The following PPP3R1 variants were observed in gnomAD, a reference collection of about 807,000 sequenced individuals.
PPP3R1 encodes the protein calcineurin subunit B type 1.
Under a neutral mutation model 22.6 loss-of-function variants are expected in PPP3R1, and 5 were observed. The observed-to-expected ratio is 0.22, with a 90% confidence interval of 0.12 to 0.46. The LOEUF (loss-of-function observed/expected upper bound fraction) is 0.46, where lower values mean the gene tolerates loss of function less well. Ranked by LOEUF, PPP3R1 falls within the 20% of genes least tolerant of loss-of-function variation. PPP3R1 has a pLI of 0.99. For missense variants in PPP3R1, 61 were observed against 203.2 expected, an observed-to-expected ratio of 0.30 and a Z score of 4.25; for synonymous variants, 56 against 65.2, an observed-to-expected ratio of 0.86 and a Z score of 0.68.
chr2:68,230,198 G>A (rs571597289), intron 1 of PPP3R1, among the ~76,000 whole-genome samples: 5 of 152,158 alleles, frequency 3.3e-5, no homozygotes, highest in Admixed American at 3.3e-4. Flanking sequence ...TCACCATGTT[G>A]CCCAGGCTGG....
In PPP3R1 at chr2:68,179,962, A is replaced by C. The variant is rs1674367169; in HGVS notation, c.*1001T>G. ...TTTGAAACAAGGGAATTCATGATTCAAACACAAGTTTAATGACAAATTATT... is the reference window on the plus strand; with the variant it reads ...TTTGAAACAAGGGAATTCATGATTCCAACACAAGTTTAATGACAAATTATT... On this transcript the variant is annotated 3_prime_UTR_variant, in exon 6 of 6. Coordinates refer to ENST00000234310, the MANE Select transcript of PPP3R1 (RefSeq NM_000945.4). 6.6e-6 allele frequency: 1 copy of C among 152,244 alleles called. No individual in the cohort carries two copies. The highest frequency in any genetic ancestry group is 1.5e-5 in the Non-Finnish European group (1 of 68,024). The allele number at this position is 152,244 out of a possible 1,614,324, so 9.4% of individuals were successfully genotyped here.
intron 2 of PPP3R1, among the ~76,000 whole-genome samples, chr2:68,215,298 AC>A (rs1193039987): frequency 2.0e-5 from 3 of 152,166 alleles, no homozygotes; most frequent in Admixed American, 1.3e-4. Flanking sequence ...TTAAAAAAAA[AC>A]ATGAGGTACA....
At chr2:68,209,820 C>T (rs1341970207) in intron 2 of PPP3R1, among the ~76,000 whole-genome samples, 4 of 151,946 alleles carry the variant, frequency 2.6e-5, no homozygotes, top group Non-Finnish European at 5.9e-5. Flanking sequence ...ACAAAAAAGC[C>T]CCAACAAAAA....
intron 1 of PPP3R1, among the ~76,000 whole-genome samples, chr2:68,225,444 A>C (rs1400877305): frequency 1.3e-5 from 2 of 152,164 alleles, no homozygotes; most frequent in Non-Finnish European, 2.9e-5. Flanking sequence ...GCTCAATCTC[A>C]TAAGGGCAAA....
At chr2:68,224,665 GAA>G (rs576436316) in intron 1 of PPP3R1, among the ~76,000 whole-genome samples, 13 of 133,234 alleles carry the variant, frequency 9.8e-5, no homozygotes, top group African/African-American at 3.0e-4. Context: ...CTCGTCTCAG[GAA>G]AAAAAAAAAA....
intron 1 of PPP3R1, among the ~76,000 whole-genome samples, chr2:68,239,149 T>C (rs1355037635): frequency 6.6e-6 from 1 of 152,094 alleles, no homozygotes; most frequent in African/African-American, 2.4e-5. Context: ...CACAGATAAA[T>C]AGCCAATATG....
At chr2:68,249,975 C>T (rs1435489564) in intron 1 of PPP3R1, among the ~76,000 whole-genome samples, 1 of 152,170 alleles carries the variant, frequency 6.6e-6, no homozygotes, top group African/African-American at 2.4e-5. Flanking sequence ...AACCAGATCA[C>T]TCCAAAGCCT....
At chr2:68,202,269 TGTGCTAGATAACGAG>T (rs1258635552) in intron 2 of PPP3R1, among the ~76,000 whole-genome samples, 4 of 152,244 alleles carry the variant, frequency 2.6e-5, no homozygotes, top group African/African-American at 4.8e-5. Flanking sequence ...TACTCAAATT[TGTGCTAGATAACGAG>T]ATTACTATAT....
At chr2:68,232,225 G>GTATTTATA in intron 1 of PPP3R1, among the ~76,000 whole-genome samples, 2 of 76,130 alleles carry the variant, frequency 2.6e-5, no homozygotes, top group South Asian at 1.1e-3. Context: ...ATGTATATAT[G>GTATTTATA]TGTGTGTGTG....
At chr2:68,251,446 G>C (rs1451029094) in intron 1 of PPP3R1, among the ~76,000 whole-genome samples, 7 of 152,194 alleles carry the variant, frequency 4.6e-5, no homozygotes, top group Admixed American at 2.0e-4. Flanking sequence ...AACCAAGTTC[G>C]CGTATGTTTT....
intron 2 of PPP3R1, 106 bp downstream of exon 2, chr2:68,216,986 G>A: frequency 1.2e-6 from 1 of 808,498 alleles, no homozygotes. Flanking sequence ...ACAAAGGTAA[G>A]TAAATATACA....
rs72896426 is a variant in PPP3R1, at chr2:68,239,157, A to G, written c.3+12968T>C. Among the ~76,000 whole-genome samples, 482 of 152,346 alleles carry G rather than the reference A, an allele frequency of 3.2e-3. 2 individuals are homozygous for G. Among genetic ancestry groups the G allele is most frequent in the African/African-American group, 0.011 (466 of 41,582 alleles). On this transcript the variant is annotated intron_variant, in intron 1 of 5. Transcript: ENST00000234310. Reference sequence around the variant, plus strand: ...GTTCCAACACAGATAAATAGCCAATATGAGTCAAGAGGAAGGATGTGAACT... The same window carrying G: ...GTTCCAACACAGATAAATAGCCAATGTGAGTCAAGAGGAAGGATGTGAACT...
At chr2:68,241,844 A>C (rs1056568634) in intron 1 of PPP3R1, among the ~76,000 whole-genome samples, 1 of 71,778 alleles carries the variant, frequency 1.4e-5, no homozygotes, top group African/African-American at 8.1e-5. Flanking sequence ...ACTCCATCTC[A>C]AAAAAAAAAA....
intron 1 of PPP3R1, among the ~76,000 whole-genome samples, chr2:68,238,882 T>C (rs894221942): frequency 2.0e-5 from 3 of 152,112 alleles, no homozygotes; most frequent in Non-Finnish European, 4.4e-5. Context: ...CCATTAAAAA[T>C]AACATGGCTT....
At chr2:68,229,965 TAC>T (rs1157191768) in intron 1 of PPP3R1, among the ~76,000 whole-genome samples, 1 of 49,494 alleles carries the variant, frequency 2.0e-5, no homozygotes, top group Non-Finnish European at 3.5e-5. Context: ...TGTGTATATA[TAC>T]ACACATACAC....
chr2:68,252,280 G>A lies in PPP3R1; in HGVS notation c.-153C>T. On this transcript the variant is annotated 5_prime_UTR_variant, in exon 1 of 6. Transcript: ENST00000234310. ...CGTGGGGGAGGGGAGGCGGCGCCGC[G>A]GGGCCCGCGCCGGCCGGGCGATTGG... 1 of 1,040,704 alleles carries A rather than the reference G, an allele frequency of 9.6e-7. No homozygotes were observed. The highest frequency in any genetic ancestry group is 1.2e-6 in the Non-Finnish European group (1 of 866,946). 64.5% of individuals were successfully genotyped at this position (1,040,704 alleles called of 1,614,324 possible). A position where few individuals can be genotyped will look rare whatever the true frequency, so the allele number is the denominator to read the frequency against.
chr2:68,187,419 C>T (rs552142495), intron 3 of PPP3R1, 105 bp from the exon 4 acceptor site: 1 of 966,392 alleles, frequency 1.0e-6, no homozygotes, highest in African/African-American at 1.7e-5. Flanking sequence ...TGCTGCAAAA[C>T]AGAAGTACTA....
At chr2:68,234,256 T>C (rs1472829465) in intron 1 of PPP3R1, among the ~76,000 whole-genome samples, 2 of 151,570 alleles carry the variant, frequency 1.3e-5, no homozygotes, top group African/African-American at 4.9e-5. Flanking sequence ...GGCAGGAGAA[T>C]GGCGTGAACC....
intron 5 of PPP3R1, among the ~76,000 whole-genome samples, chr2:68,182,395 A>C (rs1299330103): frequency 6.6e-6 from 1 of 152,120 alleles, no homozygotes; most frequent in South Asian, 2.1e-4. Flanking sequence ...GCTGACTTGC[A>C]CTATTTACCT....
Sources: gnomAD v4.1 joint callset for allele counts (sites outside exome capture counted in the v4.1 genomes callset) on GRCh38, gnomAD v4.1.1 for gene constraint, MANE v1.5 for transcripts, NCBI Gene and HGNC (gene_info 2026-07-23, HGNC 2026-07-21) for gene names.